Variants in CNKSR3 observed in about 807,000 individuals in gnomAD.
CNKSR3 encodes the protein connector enhancer of kinase suppressor of ras 3.
Under a neutral mutation model 67.7 loss-of-function variants are expected in CNKSR3, and 36 were observed. The observed-to-expected ratio is 0.53, with a 90% CI of 0.41 to 0.70. CNKSR3 has a LOEUF of 0.70. Among genes scored for constraint, CNKSR3 ranks in the 30% least tolerant of loss-of-function variants. The pLI, the probability that CNKSR3 is intolerant of heterozygous loss-of-function variation, is 0.00. For synonymous variants in CNKSR3, 281 were observed against 271.4 expected (o/e 1.04, Z -0.35); for missense variants, 630 against 695.2 (o/e 0.91, Z 1.05).
In CNKSR3 at chr6:154,389,928, T is replaced by C. The variant is rs765852392; in HGVS notation, c.*16426A>G. The C allele has an allele frequency of 5.9e-5, 9 of 152,190 alleles. No individual in the cohort carries two copies. The highest frequency in any genetic ancestry group is 1.2e-4 in the Non-Finnish European group (8 of 68,030). The allele number at this position is 152,190 out of a possible 1,614,324, so 9.4% of individuals were successfully genotyped here. A position where few individuals can be genotyped will look rare whatever the true frequency, so the allele number is the denominator to read the frequency against. ...CACAAACAAATGGAAAGACATTTCA[T>C]TCCTGGGCTGTAAGACTTAATATTG... On this transcript the variant is annotated 3_prime_UTR_variant, in exon 13 of 13. Coordinates refer to ENST00000607772, the MANE Select transcript of CNKSR3 (RefSeq NM_173515.4).
intron 1 of CNKSR3, among the ~76,000 whole-genome samples, chr6:154,509,367 A>T (rs1304325626): frequency 1.4e-5 from 2 of 147,506 alleles, no homozygotes; most frequent in Non-Finnish European, 3.0e-5. Flanking sequence ...GAATCAAGAC[A>T]GTGGTTCCAA....
chr6:154,498,293 A>G (rs1786916828), intron 1 of CNKSR3, among the ~76,000 whole-genome samples: 2 of 152,114 alleles, frequency 1.3e-5, no homozygotes, highest in Non-Finnish European at 2.9e-5. Context: ...ACACCTGACC[A>G]TGGCTGTCCA....
intron 1 of CNKSR3, among the ~76,000 whole-genome samples, chr6:154,453,959 T>C (rs1785893140): frequency 6.6e-6 from 1 of 151,818 alleles, no homozygotes. Flanking sequence ...TAATTAAATG[T>C]GAAGGAAAAA....
At position 154,422,628 on chromosome 6, in the gene CNKSR3, C is replaced by T. The variant is rs1192691997; in HGVS notation, c.823G>A (p.Val275Met). ...GTGGGATTCTCTCTCAATTTCTTCA[C>T]CAGATTTTTCAGCTGCCATCCCACC... ...TVVGWQLKNL[V>M]KKLRENPTGV... is the part of the protein sequence containing the mutation. The change falls in exon 9 of 13, where the codon GTG (valine) becomes ATG (methionine). Residue 275 changes from valine (V) to methionine (M), a missense_variant. By Grantham distance (21) the Val-to-Met change is conservative. Around this residue, in one of 3 missense-constraint regions of CNKSR3, gnomAD observed 133 missense variants for 190.6 expected, o/e 0.70. Transcript: ENST00000607772. The T allele has an allele frequency of 1.2e-6, 2 of 1,613,528 alleles. No homozygotes were observed. Among genetic ancestry groups the T allele is most frequent in the African/African-American group, 1.3e-5 (1 of 74,998 alleles).
At chr6:154,410,245 C>T (rs1407557337) in intron 12 of CNKSR3, 98 bp downstream of exon 12, 3 of 777,704 alleles carry the variant, frequency 3.9e-6, no homozygotes, top group Admixed American at 4.5e-5. Flanking sequence ...AGTACTCAGT[C>T]TACTTATTAT....
At chr6:154,480,550 C>T (rs751909028) in intron 1 of CNKSR3, among the ~76,000 whole-genome samples, 6 of 152,076 alleles carry the variant, frequency 3.9e-5, no homozygotes, top group Middle Eastern at 3.2e-3. Flanking sequence ...ATTCTCCATG[C>T]GATTAAATTA....
chr6:154,474,643 G>A (rs1031037282), intron 1 of CNKSR3, among the ~76,000 whole-genome samples: 1 of 152,298 alleles, frequency 6.6e-6, no homozygotes, highest in South Asian at 2.1e-4. Flanking sequence ...AGGCAGCTGG[G>A]CCATCCGGAT....
rs1784652247 is a variant in CNKSR3, at chr6:154,395,498, T to C, written c.*10856A>G. The C allele has an allele frequency of 6.6e-6, 1 of 152,210 alleles. No homozygotes were observed. The highest frequency in any genetic ancestry group is 2.1e-4 in the South Asian group (1 of 4,834). 9.4% of individuals were successfully genotyped at this position (152,210 alleles called of 1,614,324 possible). On this transcript the variant is annotated 3_prime_UTR_variant, in exon 13 of 13. Transcript: ENST00000607772. ...TGCAGGATGTGTGGGGGAGCAGAAT[T>C]TCCACTTGTTTTCTTTCATCAACAA...
Position 154,430,585 on chromosome 6 carries a change from C to T in CNKSR3, c.556G>A (p.Val186Ile), listed in dbSNP as rs1785345378. The stretch of plus-strand genomic sequence containing the variant: ...GTTTTGTCACAGATGCCATTTAAAA[C>T]CTTGACCTAGAATTGGAGAAGCAAA... ...MEDKVLTVVK[V>I]LNGICDKTIR... Residue 186 changes from valine to isoleucine, a missense_variant, in exon 6 of 13, where the codon GTT becomes ATT. Coordinates refer to ENST00000607772, the MANE Select transcript of CNKSR3 (RefSeq NM_173515.4). 6.2e-7 allele frequency: 1 copy of T among 1,607,298 alleles called. No homozygotes were observed. The highest frequency in any genetic ancestry group is 1.3e-5 in the African/African-American group (1 of 74,652).
intron 1 of CNKSR3, among the ~76,000 whole-genome samples, chr6:154,471,843 C>G (rs1250626032): frequency 6.6e-6 from 1 of 152,082 alleles, no homozygotes; most frequent in Non-Finnish European, 1.5e-5. Context: ...AATGCCAGTC[C>G]TGAAATAGAA....
chr6:154,456,933 T>C (rs1785972570), intron 1 of CNKSR3, among the ~76,000 whole-genome samples: 1 of 152,076 alleles, frequency 6.6e-6, no homozygotes, highest in Non-Finnish European at 1.5e-5. Flanking sequence ...GTCAGCTTAT[T>C]ATTATCTGAA....
At chr6:154,411,263 A>T in intron 10 of CNKSR3, 121 bp from the exon 11 acceptor site, 1 of 706,628 alleles carries the variant, frequency 1.4e-6, no homozygotes, top group Non-Finnish European at 2.3e-6. Flanking sequence ...TTTCCACTGG[A>T]GGAAAAGCAT....
chr6:154,477,415 A>G (rs1786474874), intron 1 of CNKSR3, among the ~76,000 whole-genome samples: 1 of 151,926 alleles, frequency 6.6e-6, no homozygotes, highest in African/African-American at 2.4e-5. Flanking sequence ...CTTTCAAGCA[A>G]TTCTCCTGTC....
chr6:154,479,217 G>GAAA (rs34458416), intron 1 of CNKSR3, among the ~76,000 whole-genome samples: 6 of 101,350 alleles, frequency 5.9e-5, no homozygotes, highest in African/African-American at 1.7e-4. Context: ...TGGATTCAGA[G>GAAA]AAAAAAAAAA....
intron 1 of CNKSR3, among the ~76,000 whole-genome samples, chr6:154,477,459 C>T (rs942326477): frequency 4.0e-5 from 6 of 148,810 alleles, no homozygotes; most frequent in African/African-American, 1.5e-4. Context: ...TACAGGAGCA[C>T]ACCACAAAGC....
chr6:154,443,197 C>T (rs1428732698), intron 2 of CNKSR3, among the ~76,000 whole-genome samples: 2 of 152,116 alleles, frequency 1.3e-5, no homozygotes, highest in East Asian at 1.9e-4. Flanking sequence ...CGCGCCTGGC[C>T]GACGGCTCAT....
intron 1 of CNKSR3, among the ~76,000 whole-genome samples, chr6:154,487,627 T>C (rs1786701859): frequency 6.6e-6 from 1 of 152,194 alleles, no homozygotes; most frequent in African/African-American, 2.4e-5. Context: ...GAAGAGACTG[T>C]GAATGAATGG....
At chr6:154,443,246 T>C (rs911993731) in intron 2 of CNKSR3, among the ~76,000 whole-genome samples, 6 of 152,100 alleles carry the variant, frequency 3.9e-5, no homozygotes, top group Admixed American at 6.6e-5. Flanking sequence ...TCCCCTCCCC[T>C]GCAAGGCTTC....
chr6:154,419,788 A>G (rs1028891970), intron 9 of CNKSR3, among the ~76,000 whole-genome samples: 1 of 152,180 alleles, frequency 6.6e-6, no homozygotes, highest in African/African-American at 2.4e-5. Context: ...TAAAAAAAGA[A>G]GGAAATGCTC....
Sources: allele counts gnomAD v4.1 joint callset (sites outside exome capture counted in the v4.1 genomes callset), GRCh38; gene constraint gnomAD v4.1.1; regional missense constraint gnomAD v4.1.1; transcripts MANE v1.5; gene names NCBI Gene and HGNC (gene_info 2026-07-23, HGNC 2026-07-21).